Variants in CNTNAP2 observed in about 807,000 individuals in gnomAD.
CNTNAP2 encodes the protein contactin associated protein 2.
Under a neutral mutation model 155.2 loss-of-function variants are expected in CNTNAP2, and 98 were observed. That is an observed-to-expected ratio of 0.63 (90% CI 0.54 to 0.75). The LOEUF is 0.75. Ranked by LOEUF, CNTNAP2 falls within the 30% of genes least tolerant of loss-of-function variation. CNTNAP2 has a pLI of 0.00. For synonymous variants in CNTNAP2, 651 were observed against 631.2 expected (o/e 1.03, Z -0.47); for missense variants, 1,727 against 1,688.1 (o/e 1.02, Z -0.40).
intron 21 of CNTNAP2, among the ~76,000 whole-genome samples, chr7:148,353,266 A>G (rs1312600142): frequency 6.6e-6 from 1 of 152,224 alleles, no homozygotes; most frequent in East Asian, 1.9e-4. Context: ...GAAACAAAAG[A>G]GGAGGAAGCA....
At chr7:146,670,692 C>T (rs1800287662) in intron 1 of CNTNAP2, among the ~76,000 whole-genome samples, 1 of 152,090 alleles carries the variant, frequency 6.6e-6, no homozygotes, top group African/African-American at 2.4e-5. Flanking sequence ...TCCCATCACT[C>T]TCAATTACAC....
chr7:146,844,656 G>A (rs1012165253), intron 3 of CNTNAP2, among the ~76,000 whole-genome samples: 18 of 152,080 alleles, frequency 1.2e-4, no homozygotes, highest in African/African-American at 3.1e-4. Context: ...GCAGATATTC[G>A]GAGCCAAAAT....
chr7:146,445,595 G>A (rs911263747), intron 1 of CNTNAP2, among the ~76,000 whole-genome samples: 1 of 152,046 alleles, frequency 6.6e-6, no homozygotes. Context: ...TGAAGAGAGG[G>A]TGTGTGTGTA....
At chr7:147,370,246 G>T (rs1365402040) in intron 9 of CNTNAP2, among the ~76,000 whole-genome samples, 1 of 152,174 alleles carries the variant, frequency 6.6e-6, no homozygotes, top group Non-Finnish European at 1.5e-5. Context: ...GGACAATGAC[G>T]TGTCCATGAC....
chr7:146,438,274 T>A lies in CNTNAP2; in HGVS notation c.97+321301T>A, dbSNP rs1017600684. 1.5e-4 allele frequency among the ~76,000 whole-genome samples: 20 copies of A among 131,098 alleles called. 2 individuals carry two copies. Among genetic ancestry groups the A allele is most frequent in the African/African-American group, 5.9e-4 (17 of 28,750 alleles). The allele number at this position is 131,098 out of a possible 152,430, so 86.0% of individuals were successfully genotyped here. On this transcript the variant is annotated intron_variant, in intron 1 of 23. Coordinates refer to ENST00000361727, the MANE Select transcript of CNTNAP2 (RefSeq NM_014141.6). ...CTGTCACATATCCTACAGTTATTTA[T>A]CCATAGAAGCTTTTTTTTTTTTTAA...
At chr7:147,813,512 G>T (rs1462280406) in intron 13 of CNTNAP2, among the ~76,000 whole-genome samples, 1 of 152,076 alleles carries the variant, frequency 6.6e-6, no homozygotes, top group Non-Finnish European at 1.5e-5. Flanking sequence ...ATCCAACAGG[G>T]TTACCTTCTG....
chr7:148,088,858 A>G (rs1803787087), intron 15 of CNTNAP2, among the ~76,000 whole-genome samples: 1 of 152,024 alleles, frequency 6.6e-6, no homozygotes, highest in African/African-American at 2.4e-5. Context: ...CACCACAAGA[A>G]AAAAAATTAC....
chr7:146,552,341 G>A (rs753849520), intron 1 of CNTNAP2, among the ~76,000 whole-genome samples: 13 of 151,976 alleles, frequency 8.6e-5, no homozygotes, highest in Admixed American at 2.6e-4. Flanking sequence ...CATTCTTTTC[G>A]TTTTGCAGCT....
intron 1 of CNTNAP2, among the ~76,000 whole-genome samples, chr7:146,696,375 T>C (rs1800783575): frequency 6.6e-6 from 1 of 152,190 alleles, no homozygotes; most frequent in Admixed American, 6.5e-5. Context: ...TTAATTACTC[T>C]TTTTCATTTC....
At chr7:146,937,206 T>C (rs539918495) in intron 3 of CNTNAP2, among the ~76,000 whole-genome samples, 1 of 151,622 alleles carries the variant, frequency 6.6e-6, no homozygotes, top group African/African-American at 2.4e-5. Flanking sequence ...GCTAACACAG[T>C]GAAACCCCGT....
At chr7:147,830,708 A>T (rs548675147) in intron 13 of CNTNAP2, among the ~76,000 whole-genome samples, 1 of 152,312 alleles carries the variant, frequency 6.6e-6, no homozygotes, top group Non-Finnish European at 1.5e-5. Flanking sequence ...AGTCTGAGCA[A>T]CAGATGGAAA....
chr7:146,683,228 A>G (rs1326860800), intron 1 of CNTNAP2, among the ~76,000 whole-genome samples: 1 of 151,900 alleles, frequency 6.6e-6, no homozygotes, highest in Middle Eastern at 3.2e-3. Context: ...AGATGGGGTT[A>G]CACCATGTTG....
At chr7:147,765,116 G>C (rs949840459) in intron 13 of CNTNAP2, among the ~76,000 whole-genome samples, 3 of 152,154 alleles carry the variant, frequency 2.0e-5, no homozygotes, top group African/African-American at 7.2e-5. Flanking sequence ...AGTCAGTCAT[G>C]TCAAACCTCT....
At chr7:147,918,441 G>A (rs548214008) in intron 14 of CNTNAP2, among the ~76,000 whole-genome samples, 103 of 152,212 alleles carry the variant, frequency 6.8e-4, no homozygotes, top group Non-Finnish European at 7.9e-4. Flanking sequence ...ATATTCAATA[G>A]TGAGGTAAAT....
chr7:147,506,571 G>C (rs1798910310), intron 11 of CNTNAP2, among the ~76,000 whole-genome samples: 1 of 152,112 alleles, frequency 6.6e-6, no homozygotes, highest in Non-Finnish European at 1.5e-5. Context: ...TCTAGATTTT[G>C]ACACGTCCTT....
At chr7:146,945,563 G>GA (rs1797149720) in intron 3 of CNTNAP2, among the ~76,000 whole-genome samples, 1 of 152,032 alleles carries the variant, frequency 6.6e-6, no homozygotes, top group Admixed American at 6.6e-5. Flanking sequence ...GATCTTAATT[G>GA]AAAAAAATTG....
chr7:147,155,378 A>G (rs1239860722), intron 8 of CNTNAP2, among the ~76,000 whole-genome samples: 1 of 152,140 alleles, frequency 6.6e-6, no homozygotes. Context: ...ACTCTATGCT[A>G]TCTTGTTATA....
intron 15 of CNTNAP2, among the ~76,000 whole-genome samples, chr7:148,089,228 C>G (rs1803793115): frequency 6.6e-6 from 1 of 151,968 alleles, no homozygotes; most frequent in Non-Finnish European, 1.5e-5. Context: ...GAAAGCTCTT[C>G]CTCTAAGATT....
chr7:148,275,240 G>A (rs1481274096), intron 21 of CNTNAP2, among the ~76,000 whole-genome samples: 1 of 152,136 alleles, frequency 6.6e-6, no homozygotes, highest in South Asian at 2.1e-4. Flanking sequence ...AGAAGGTAAT[G>A]GAAAGTCAAT....
Sources: gnomAD v4.1 joint callset for allele counts (sites outside exome capture counted in the v4.1 genomes callset) on GRCh38, gnomAD v4.1.1 for gene constraint, MANE v1.5 for transcripts, NCBI Gene and HGNC (gene_info 2026-07-23, HGNC 2026-07-21) for gene names.